The following SEMA6D variants were observed in gnomAD, a reference collection of about 807,000 sequenced individuals.
SEMA6D encodes the protein semaphorin 6D, also known as semaphorin-6D.
In SEMA6D, 35 loss-of-function variants were observed where a neutral mutation model predicts 106.6. That is an observed-to-expected ratio of 0.33 (90% CI 0.25 to 0.44). SEMA6D has a LOEUF of 0.44. SEMA6D is among the 20% of genes least tolerant of loss of function. The pLI, the probability that SEMA6D is intolerant of heterozygous loss-of-function variation, is 1.00. For missense variants in SEMA6D, 1,185 were observed against 1,345.9 expected (o/e 0.88, Z 1.87); for synonymous variants, 499 against 487.7 (o/e 1.02, Z -0.31).
chr15:47,761,085 G>T (rs373094795), intron 4 of SEMA6D, 47 bp downstream of exon 4: 5 of 1,611,570 alleles, frequency 3.1e-6, no homozygotes, highest in Non-Finnish European at 4.2e-6. Flanking sequence ...CTCTGAACCT[G>T]ATTAATTTTC....
intron 1 of SEMA6D, among the ~76,000 whole-genome samples, chr15:47,340,534 A>G (rs888510958): frequency 6.6e-6 from 1 of 152,190 alleles, no homozygotes; most frequent in Non-Finnish European, 1.5e-5. Context: ...AGAAAAGAAT[A>G]TATATCTATG....
At chr15:47,280,068 T>C (rs2035039232) in intron 1 of SEMA6D, among the ~76,000 whole-genome samples, 1 of 151,606 alleles carries the variant, frequency 6.6e-6, no homozygotes, top group South Asian at 2.1e-4. Flanking sequence ...GATTCCCTCT[T>C]TTTCTATTGA....
intron 1 of SEMA6D, among the ~76,000 whole-genome samples, chr15:47,230,913 T>C (rs1274638284): frequency 2.6e-5 from 4 of 152,010 alleles, no homozygotes; most frequent in Non-Finnish European, 5.9e-5. Flanking sequence ...ACTGCTGAAA[T>C]GAACTTGATA....
At chr15:47,683,728 A>G (rs2078409370) in intron 4 of SEMA6D, among the ~76,000 whole-genome samples, 1 of 152,238 alleles carries the variant, frequency 6.6e-6, no homozygotes, top group African/African-American at 2.4e-5. Flanking sequence ...TTTAAGTATT[A>G]CTAGTATTGG....
At chr15:47,652,556 T>C (rs900558136) in intron 4 of SEMA6D, among the ~76,000 whole-genome samples, 1 of 152,148 alleles carries the variant, frequency 6.6e-6, no homozygotes, top group African/African-American at 2.4e-5. Flanking sequence ...ATGGTGTAGC[T>C]AGATAATGTT....
intron 4 of SEMA6D, among the ~76,000 whole-genome samples, chr15:47,683,287 A>G (rs2078398276): frequency 6.6e-6 from 1 of 152,086 alleles, no homozygotes; most frequent in Non-Finnish European, 1.5e-5. Flanking sequence ...CTTAGCTCCC[A>G]CTTCCATTTG....
chr15:47,653,048 C>G (rs74014039), intron 4 of SEMA6D, among the ~76,000 whole-genome samples: 14 of 152,312 alleles, frequency 9.2e-5, no homozygotes, highest in African/African-American at 3.4e-4. Flanking sequence ...TCCATGCGTA[C>G]TTATCACTCC....
intron 2 of SEMA6D, among the ~76,000 whole-genome samples, chr15:47,460,729 T>C (rs1160567099): frequency 1.3e-5 from 2 of 152,110 alleles, no homozygotes; most frequent in East Asian, 1.9e-4. Flanking sequence ...TAAACTATAA[T>C]AGAATCATCA....
intron 3 of SEMA6D, among the ~76,000 whole-genome samples, chr15:47,479,023 C>A (rs2043076562): frequency 6.6e-6 from 1 of 151,978 alleles, no homozygotes; most frequent in South Asian, 2.1e-4. Flanking sequence ...TGCCTCCAAC[C>A]TGGTCCCTCC....
At chr15:47,225,172 G>GC (rs913816530) in intron 1 of SEMA6D, among the ~76,000 whole-genome samples, 4 of 151,894 alleles carry the variant, frequency 2.6e-5, no homozygotes, top group African/African-American at 4.8e-5. Flanking sequence ...TATACACCCT[G>GC]CCCCCTCCAT....
At chr15:47,761,540 G>A (rs1442255752) in intron 6 of SEMA6D, 109 bp downstream of exon 6, 2 of 1,239,800 alleles carry the variant, frequency 1.6e-6, no homozygotes, top group Non-Finnish European at 2.3e-6. Context: ...TTTATCTCTA[G>A]TGCAATGAAA....
intron 4 of SEMA6D, among the ~76,000 whole-genome samples, chr15:47,653,266 T>C (rs1255702086): frequency 6.6e-6 from 1 of 152,224 alleles, no homozygotes; most frequent in Non-Finnish European, 1.5e-5. Context: ...GCTATTCGCA[T>C]GTAAGCATGC....
At chr15:47,555,521 A>G (rs1311261290) in intron 3 of SEMA6D, among the ~76,000 whole-genome samples, 1 of 152,144 alleles carries the variant, frequency 6.6e-6, no homozygotes, top group African/African-American at 2.4e-5. Flanking sequence ...ATCATTCCTG[A>G]AAAAGTAGGG....
chr15:47,402,823 G>A lies in SEMA6D; in HGVS notation c.-238-9570G>A, dbSNP rs545370367. Reference sequence around the variant, plus strand: ...CATAGCATTTGACATAAGGAAAAGCGTCAATAAATGTTTGATGAATAGATA... The same window carrying A: ...CATAGCATTTGACATAAGGAAAAGCATCAATAAATGTTTGATGAATAGATA... On this transcript the variant is annotated intron_variant, in intron 1 of 19. Coordinates refer to the SEMA6D transcript ENST00000558014. Among the ~76,000 whole-genome samples the A allele has an allele frequency of 6.7e-5, 10 of 149,206 alleles. No individual in the cohort carries two copies. In the East Asian group the frequency reaches 9.8e-4, roughly 15 times the overall value.
intron 3 of SEMA6D, among the ~76,000 whole-genome samples, chr15:47,503,859 T>C (rs2043946964): frequency 6.6e-6 from 1 of 152,212 alleles, no homozygotes; most frequent in African/African-American, 2.4e-5. Flanking sequence ...GTCTTAGTGA[T>C]GTAACCAAAA....
chr15:47,413,393 A>G (rs1359058286), intron 2 of SEMA6D, among the ~76,000 whole-genome samples: 1 of 152,144 alleles, frequency 6.6e-6, no homozygotes, highest in Admixed American at 6.6e-5. Flanking sequence ...TTCCATTACC[A>G]TCTTCCTTTA....
chr15:47,374,393 A>T (rs936881172), intron 1 of SEMA6D, among the ~76,000 whole-genome samples: 1 of 152,102 alleles, frequency 6.6e-6, no homozygotes, highest in Non-Finnish European at 1.5e-5. Context: ...TGTCAAGGTG[A>T]GGGCTGAATC....
intron 1 of SEMA6D, among the ~76,000 whole-genome samples, chr15:47,308,787 G>A (rs1463507569): frequency 6.6e-6 from 1 of 152,206 alleles, no homozygotes; most frequent in Non-Finnish European, 1.5e-5. Context: ...TTACATGAGT[G>A]CTAACTCATC....
At chr15:47,389,256 A>G (rs1398035683) in intron 1 of SEMA6D, among the ~76,000 whole-genome samples, 2 of 152,224 alleles carry the variant, frequency 1.3e-5, no homozygotes, top group Non-Finnish European at 2.9e-5. Context: ...AGTGCCTAGA[A>G]TAGTGTCTGG....
Sources: gnomAD v4.1 joint callset for allele counts (sites outside exome capture counted in the v4.1 genomes callset) on GRCh38, gnomAD v4.1.1 for gene constraint, MANE v1.5 for transcripts, NCBI Gene and HGNC (gene_info 2026-07-23, HGNC 2026-07-21) for gene names.